SSH2: variants seen among roughly 807,000 people sequenced by gnomAD.
SSH2 encodes slingshot protein phosphatase 2, also known as protein phosphatase Slingshot homolog 2.
SSH2 carries 37 observed loss-of-function variants against 135.2 expected under a neutral mutation model. The ratio of observed to expected loss-of-function variants is 0.27; its 90% CI spans 0.21 to 0.36. The LOEUF is 0.36. SSH2 is among the 10% of genes least tolerant of loss of function. The pLI, the probability that SSH2 is intolerant of heterozygous loss-of-function variation, is 1.00. For synonymous variants in SSH2, 628 were observed against 646.2 expected (o/e 0.97, Z 0.43); for missense variants, 1,408 against 1,765.3 (o/e 0.80, Z 3.63).
chr17:29,747,902 C>CTGTT (rs1891354670), intron 3 of SSH2, among the ~76,000 whole-genome samples: 1 of 152,170 alleles, frequency 6.6e-6, no homozygotes, highest in Non-Finnish European at 1.5e-5. Context: ...CTCTTGGAAA[C>CTGTT]AGAGACTGAC....
intron 8 of SSH2, chr17:29,673,996 CA>C (rs1236347756): frequency 2.3e-6 from 1 of 432,816 alleles, no homozygotes; most frequent in African/African-American, 2.0e-5. Context: ...TGCACACATC[CA>C]TGTTTACAAA....
chr17:29,634,543 GATT>G lies in SSH2; in HGVS notation c.2262+1422_2262+1424del, dbSNP rs138491296. ...TCTGCTGGCAAATTCATTTCCTTTTGATTATTATTATTATTATTATTATTTTTT... is the reference window on the plus strand; with the variant it reads ...TCTGCTGGCAAATTCATTTCCTTTTGATTATTATTATTATTATTATTTTTT... On this transcript the variant is annotated intron_variant, in intron 15 of 15. Transcript: ENST00000540801. Among the ~76,000 whole-genome samples, 25 of 151,224 alleles carry G rather than the reference GATT, an allele frequency of 1.7e-4. 1 individual carries two copies. In the Middle Eastern group the frequency reaches 0.01, roughly 62 times the overall value.
At chr17:29,696,612 C>CAT (rs35834459) in intron 4 of SSH2, among the ~76,000 whole-genome samples, 8 of 135,526 alleles carry the variant, frequency 5.9e-5, no homozygotes, top group South Asian at 2.4e-4. Flanking sequence ...AACATATATA[C>CAT]ATATATATAT....
intron 1 of SSH2, among the ~76,000 whole-genome samples, chr17:29,924,619 T>C (rs893581853): frequency 1.3e-5 from 2 of 152,086 alleles, no homozygotes; most frequent in Non-Finnish European, 2.9e-5. Context: ...ATTTTTTTAT[T>C]ATGCCAGGTA....
At chr17:29,820,074 T>C (rs2042626612) in intron 2 of SSH2, among the ~76,000 whole-genome samples, 2 of 152,040 alleles carry the variant, frequency 1.3e-5, no homozygotes, top group South Asian at 2.1e-4. Flanking sequence ...CTCTTTGTTG[T>C]TTGCCATTTT....
intron 1 of SSH2, among the ~76,000 whole-genome samples, chr17:29,907,686 C>T (rs1223491854): frequency 2.6e-5 from 4 of 152,194 alleles, no homozygotes; most frequent in African/African-American, 7.2e-5. Flanking sequence ...AAAACTCAGT[C>T]CAGAGCCAAA....
At chr17:29,902,846 T>C (rs1257064162) in intron 1 of SSH2, among the ~76,000 whole-genome samples, 7 of 152,258 alleles carry the variant, frequency 4.6e-5, no homozygotes, top group East Asian at 1.9e-4. Flanking sequence ...GAATACTTTT[T>C]GAGACTATCT....
Position 29,630,908 on chromosome 17 carries a change from G to A in SSH2, c.4286C>T (p.Pro1429Leu). The A allele has an allele frequency of 6.2e-7, 1 of 1,604,090 alleles. No homozygotes were observed. Among genetic ancestry groups the A allele is most frequent in the Non-Finnish European group, 8.5e-7 (1 of 1,171,940 alleles). ...APRQQHGRTH[P>L]LRRLKKANDK... The stretch of plus-strand genomic sequence containing the variant: ...ATTTGCCTTTTTCAGTCTCCTAAGG[G>A]GGTGAGTTCTGCCGTGTTGCTGACG... The change falls in exon 16 of 16, where the codon CCC becomes CTC. Residue 1429 changes from proline (P) to leucine (L), a missense_variant. Physicochemically the swap from Pro to Leu is moderately conservative, Grantham distance 98. Coordinates refer to ENST00000540801, the MANE Select transcript of SSH2 (RefSeq NM_001282129.2).
intron 4 of SSH2, among the ~76,000 whole-genome samples, chr17:29,697,672 C>T (rs2038811300): frequency 6.6e-6 from 1 of 152,116 alleles, no homozygotes; most frequent in Non-Finnish European, 1.5e-5. Flanking sequence ...AACCAAACAA[C>T]TCCCCCACCC....
At chr17:29,815,115 T>C (rs1272279759) in intron 2 of SSH2, among the ~76,000 whole-genome samples, 1 of 125,216 alleles carries the variant, frequency 8.0e-6, no homozygotes, top group Non-Finnish European at 1.6e-5. Context: ...CACCTAGCTA[T>C]TTTTTGTATT....
Position 29,671,935 on chromosome 17 carries a change from A to G in SSH2, c.809T>C (p.Ile270Thr), listed in dbSNP as rs2037511380. ...RPDSPALFTD[I>T]PTERERTERL... Reference sequence around the variant, plus strand: ...CATAATCCTTAGCAAACTGACTTACATGTCGGTGAAGAGAGCTGGAGAGTC... The same window carrying G: ...CATAATCCTTAGCAAACTGACTTACGTGTCGGTGAAGAGAGCTGGAGAGTC... Residue 270 changes from isoleucine (I) to threonine (T), a missense_variant and splice_region_variant, in exon 9 of 16, where the codon ATA (isoleucine) becomes ACA (threonine). Physicochemically the swap from Ile to Thr is moderately conservative, Grantham distance 89 (BLOSUM62 -1). Coordinates refer to ENST00000540801, the MANE Select transcript of SSH2 (RefSeq NM_001282129.2). 6.2e-7 allele frequency: 1 copy of G among 1,611,560 alleles called. No individual in the cohort carries two copies.
intron 1 of SSH2, among the ~76,000 whole-genome samples, chr17:29,896,891 C>A (rs1398147221): frequency 6.6e-6 from 1 of 151,644 alleles, no homozygotes; most frequent in Admixed American, 6.6e-5. Flanking sequence ...CTATTTATTA[C>A]CTATTTATCA....
chr17:29,926,229 T>C (rs2067061964), intron 1 of SSH2, among the ~76,000 whole-genome samples: 1 of 152,050 alleles, frequency 6.6e-6, no homozygotes, highest in Non-Finnish European at 1.5e-5. Flanking sequence ...CTCTGGCTCA[T>C]ATCTACTAGA....
chr17:29,701,896 T>TA (rs1182774080), intron 4 of SSH2, among the ~76,000 whole-genome samples: 1 of 150,350 alleles, frequency 6.7e-6, no homozygotes, highest in Non-Finnish European at 1.5e-5. Flanking sequence ...AAAATTTTTT[T>TA]TTTTTTTTTT....
At chr17:29,754,206 C>T (rs2151237664) in intron 3 of SSH2, among the ~76,000 whole-genome samples, 1 of 152,282 alleles carries the variant, frequency 6.6e-6, no homozygotes, top group South Asian at 2.1e-4. Flanking sequence ...TGCAAATTCT[C>T]CAGCCACATC....
chr17:29,845,849 C>T (rs1005480391), intron 2 of SSH2, among the ~76,000 whole-genome samples: 3 of 151,856 alleles, frequency 2.0e-5, no homozygotes, highest in Non-Finnish European at 2.9e-5. Flanking sequence ...CATGACCCAC[C>T]GTGCCTGGCC....
chr17:29,637,796 A>C (rs961885722), intron 14 of SSH2, among the ~76,000 whole-genome samples: 1 of 151,184 alleles, frequency 6.6e-6, no homozygotes, highest in Non-Finnish European at 1.5e-5. Flanking sequence ...AAAAATAAAA[A>C]ATAAAAATAA....
chr17:29,753,664 C>T (rs916418703), intron 3 of SSH2, among the ~76,000 whole-genome samples: 5 of 151,220 alleles, frequency 3.3e-5, no homozygotes, highest in African/African-American at 7.3e-5. Context: ...GGCGTGGTGG[C>T]GGGCACCTGT....
At chr17:29,826,162 T>C (rs1205062634) in intron 2 of SSH2, among the ~76,000 whole-genome samples, 1 of 152,184 alleles carries the variant, frequency 6.6e-6, no homozygotes, top group Admixed American at 6.5e-5. Context: ...CAGTTTCTCA[T>C]TTATGTTACA....
Sources: allele counts gnomAD v4.1 joint callset (sites outside exome capture counted in the v4.1 genomes callset), GRCh38; gene constraint gnomAD v4.1.1; transcripts MANE v1.5; gene names NCBI Gene and HGNC (gene_info 2026-07-23, HGNC 2026-07-21).